The following SH3GL3 variants were observed in gnomAD, a reference collection of about 807,000 sequenced individuals.
SH3GL3 encodes the protein endophilin-A3.
Under a neutral mutation model 47.7 loss-of-function variants are expected in SH3GL3, and 33 were observed. The ratio of observed to expected loss-of-function variants is 0.69; its 90% confidence interval spans 0.52 to 0.92. The LOEUF (loss-of-function observed/expected upper bound fraction) is 0.92. Among genes scored for constraint, SH3GL3 ranks in the 40% least tolerant of loss-of-function variants. SH3GL3 has a pLI of 0.00. For missense variants in SH3GL3, 363 were observed against 417.8 expected (o/e 0.87, Z 1.14); for synonymous variants, 155 against 148.8 (o/e 1.04, Z -0.30).
At chr15:83,573,934 A>T (rs913545385) in intron 5 of SH3GL3, among the ~76,000 whole-genome samples, 1 of 152,168 alleles carries the variant, frequency 6.6e-6, no homozygotes, top group Non-Finnish European at 1.5e-5. Context: ...TGTTGGAGAG[A>T]TGAGCCCAGG....
chr15:83,629,572 C>A, the SH3GL3 span, among the ~76,000 whole-genome samples: 1 of 152,186 alleles, frequency 6.6e-6, no homozygotes, highest in African/African-American at 2.4e-5. Context: ...GTAAACCCAG[C>A]ACTTTGGGAG....
At chr15:83,518,801 A>G (rs1379062990) in intron 1 of SH3GL3, among the ~76,000 whole-genome samples, 1 of 152,212 alleles carries the variant, frequency 6.6e-6, no homozygotes, top group African/African-American at 2.4e-5. Context: ...GGACTTAGTC[A>G]TAAATTCTTT....
intron 1 of SH3GL3, among the ~76,000 whole-genome samples, chr15:83,520,021 G>A (rs567517776): frequency 6.6e-6 from 1 of 152,328 alleles, no homozygotes; most frequent in East Asian, 1.9e-4. Flanking sequence ...GAGGGTCGGA[G>A]ACAAATGACT....
rs575131151 is a variant in SH3GL3 at position 83,472,565 on chromosome 15, C to T, written c.45+24987C>T. Among the ~76,000 whole-genome samples, 8 of 151,968 alleles carry T rather than the reference C, an allele frequency of 5.3e-5. No homozygotes were observed. The South Asian group carries it at 1.5e-3, about 28-fold the overall frequency. On this transcript the variant is annotated intron_variant, in intron 1 of 8. Coordinates refer to ENST00000427482, the MANE Select transcript of SH3GL3 (RefSeq NM_003027.5). ...TCAGTTCTAAAATTTCCATTTAGCT[C>T]TTCTTCATATGTTCCATTTCTTTGC...
chr15:83,535,909 A>G (rs191803567), intron 1 of SH3GL3, among the ~76,000 whole-genome samples: 27 of 152,342 alleles, frequency 1.8e-4, no homozygotes, highest in Middle Eastern at 3.4e-3. Context: ...ACAAATATAT[A>G]AAAACTGGCA....
At chr15:83,570,518 A>G (rs1255807003) in intron 4 of SH3GL3, among the ~76,000 whole-genome samples, 1 of 152,206 alleles carries the variant, frequency 6.6e-6, no homozygotes, top group African/African-American at 2.4e-5. Context: ...TTTATTTAAA[A>G]AAGTCATTAA....
At chr15:83,626,346 T>C in the SH3GL3 span, among the ~76,000 whole-genome samples, 1 of 152,188 alleles carries the variant, frequency 6.6e-6, no homozygotes, top group Non-Finnish European at 1.5e-5. Context: ...TCTTCTTCTC[T>C]AGCTGCAGAG....
At chr15:83,540,740 T>C (rs2151699683) in intron 1 of SH3GL3, among the ~76,000 whole-genome samples, 1 of 152,256 alleles carries the variant, frequency 6.6e-6, no homozygotes, top group Non-Finnish European at 1.5e-5. Context: ...ATTGTCAGGG[T>C]AAATGGGGTA....
chr15:83,614,838 C>T (rs1596356894), intron 8 of SH3GL3, among the ~76,000 whole-genome samples: 5 of 152,122 alleles, frequency 3.3e-5, no homozygotes, highest in Admixed American at 2.6e-4. Context: ...TCTCCATTGC[C>T]CCAACTCTTG....
chr15:83,590,037 T>C (rs577460153), intron 8 of SH3GL3, among the ~76,000 whole-genome samples: 1 of 152,286 alleles, frequency 6.6e-6, no homozygotes, highest in Admixed American at 6.5e-5. Flanking sequence ...GAGGGTGAAC[T>C]TTCTTTTCTA....
intron 8 of SH3GL3, among the ~76,000 whole-genome samples, chr15:83,592,311 A>T (rs1378030576): frequency 6.6e-6 from 1 of 152,120 alleles, no homozygotes; most frequent in Non-Finnish European, 1.5e-5. Flanking sequence ...TTGTGTAATC[A>T]TCACTTCCAT....
intron 8 of SH3GL3, among the ~76,000 whole-genome samples, chr15:83,610,623 A>G (rs113913955): frequency 5.9e-5 from 9 of 152,300 alleles, no homozygotes; most frequent in African/African-American, 2.2e-4. Flanking sequence ...GGTATATTGC[A>G]TAGGGATCAA....
At chr15:83,460,004 C>T (rs567117278) in intron 1 of SH3GL3, among the ~76,000 whole-genome samples, 1 of 113,924 alleles carries the variant, frequency 8.8e-6, no homozygotes, top group Non-Finnish European at 1.8e-5. Flanking sequence ...TTTCCCTCTC[C>T]CCTCCCCTCC....
At chr15:83,594,693 A>G (rs999708526) in intron 8 of SH3GL3, among the ~76,000 whole-genome samples, 3 of 152,186 alleles carry the variant, frequency 2.0e-5, no homozygotes, top group Non-Finnish European at 4.4e-5. Flanking sequence ...TATTTTGTAG[A>G]ATGTCCCCCA....
intron 8 of SH3GL3, among the ~76,000 whole-genome samples, chr15:83,596,886 G>A (rs934853965): frequency 3.9e-5 from 6 of 152,084 alleles, no homozygotes; most frequent in Admixed American, 6.5e-5. Context: ...CGGACAAAAA[G>A]TCTTTTCCTC....
chr15:83,617,956 C>T, intron 8 of SH3GL3, 126 bp from the exon 9 acceptor site: 1 of 672,012 alleles, frequency 1.5e-6, no homozygotes, highest in Non-Finnish European at 2.6e-6. Flanking sequence ...CTGGGTGGAG[C>T]TGGCCTTGTG....
At chr15:83,538,535 T>G (rs2044020686) in intron 1 of SH3GL3, among the ~76,000 whole-genome samples, 1 of 152,180 alleles carries the variant, frequency 6.6e-6, no homozygotes, top group African/African-American at 2.4e-5. Flanking sequence ...CCACACCAGC[T>G]TCAATCACCA....
At chr15:83,517,565 ATATT>A (rs2043038144) in intron 1 of SH3GL3, among the ~76,000 whole-genome samples, 7 of 151,932 alleles carry the variant, frequency 4.6e-5, no homozygotes, top group Admixed American at 4.6e-4. Flanking sequence ...ACCTTTTCGT[ATATT>A]TATTGGTCAT....
intron 1 of SH3GL3, chr15:83,490,684 A>C: frequency 3.9e-6 from 5 of 1,295,694 alleles, no homozygotes; most frequent in Non-Finnish European, 5.3e-6. Context: ...CCTGCACATC[A>C]GGGAAAACAG....
Sources: gnomAD v4.1 joint callset for allele counts (sites outside exome capture counted in the v4.1 genomes callset) on GRCh38, gnomAD v4.1.1 for gene constraint, MANE v1.5 for transcripts, NCBI Gene and HGNC (gene_info 2026-07-23, HGNC 2026-07-21) for gene names.